KIAA1217: variants seen among roughly 807,000 people sequenced by gnomAD.
KIAA1217 encodes the protein KIAA1217.
In KIAA1217, 88 loss-of-function variants were observed where a neutral mutation model predicts 163.9. That is an observed-to-expected ratio of 0.54 (90% CI 0.45 to 0.64). The LOEUF (loss-of-function observed/expected upper bound fraction) is 0.64. KIAA1217 is among the 30% of genes least tolerant of loss of function. KIAA1217 has a pLI of 0.00. For synonymous variants in KIAA1217, 903 were observed against 923.1 expected (o/e 0.98, Z 0.39); for missense variants, 2,372 against 2,475.0 (o/e 0.96, Z 0.88).
rs139096362 is a variant in KIAA1217, at chr10:24,359,741, A to C, written c.355-21128A>C. On this transcript the variant is annotated intron_variant, in intron 2 of 20. Transcript: ENST00000376454. ...ATTCTTAGAATTAGAAGCTGTTGGG[A>C]TATCACCCTGAACTCTTTTTTGTTA... Among the ~76,000 whole-genome samples, 25 of 152,272 alleles carry C rather than the reference A, an allele frequency of 1.6e-4. No homozygotes were observed. The East Asian group carries it at 4.4e-3, about 27-fold the overall frequency.
At chr10:24,004,554 A>G (rs1011648108) in intron 1 of KIAA1217, among the ~76,000 whole-genome samples, 1 of 152,206 alleles carries the variant, frequency 6.6e-6, no homozygotes, top group African/African-American at 2.4e-5. Flanking sequence ...ATTAGATTCT[A>G]GAGAATTTTG....
chr10:24,473,227 G>A lies in KIAA1217; in HGVS notation c.847-1G>A. The A allele has an allele frequency of 6.6e-7, 1 of 1,509,828 alleles. No homozygotes were observed. The highest frequency in any genetic ancestry group is 8.9e-7 in the Non-Finnish European group (1 of 1,129,086). 93.5% of individuals were successfully genotyped at this position (1,509,828 alleles called of 1,614,324 possible). On this transcript the variant is annotated splice_acceptor_variant, in intron 5 of 20. Transcript: ENST00000376454. LOFTEE classifies it high-confidence loss of function. ...TTTCTGATCCCTTGTTTTCTTTTCA[G>A]ATGCAGAGAGAACTTGTTTATGCAA...
chr10:23,768,602 GA>G (rs1834652726), intron 1 of KIAA1217, among the ~76,000 whole-genome samples: 1 of 152,192 alleles, frequency 6.6e-6, no homozygotes, highest in Non-Finnish European at 1.5e-5. Flanking sequence ...TTTCAATGAG[GA>G]AAGTATAAGT....
chr10:24,163,348 G>A (rs964555709), intron 2 of KIAA1217, among the ~76,000 whole-genome samples: 6 of 152,186 alleles, frequency 3.9e-5, no homozygotes, highest in African/African-American at 1.4e-4. Flanking sequence ...TGTAAAATGA[G>A]ACTATTGTCA....
intron 1 of KIAA1217, among the ~76,000 whole-genome samples, chr10:23,946,711 C>G (rs1844065206): frequency 6.6e-6 from 1 of 152,144 alleles, no homozygotes; most frequent in Non-Finnish European, 1.5e-5. Context: ...TCTTCAAGAG[C>G]CCATAACAAC....
intron 1 of KIAA1217, among the ~76,000 whole-genome samples, chr10:23,935,798 T>C (rs1843501055): frequency 6.6e-6 from 1 of 152,218 alleles, no homozygotes; most frequent in African/African-American, 2.4e-5. Context: ...AATTAATTTT[T>C]CTTTTGGTGC....
intron 2 of KIAA1217, among the ~76,000 whole-genome samples, chr10:24,202,694 C>T (rs1403567177): frequency 6.6e-6 from 1 of 152,166 alleles, no homozygotes; most frequent in African/African-American, 2.4e-5. Flanking sequence ...TCCTGGAAGC[C>T]CTGCCCCCCA....
chr10:24,379,120 C>A (rs1477211088), intron 2 of KIAA1217, among the ~76,000 whole-genome samples: 1 of 107,400 alleles, frequency 9.3e-6, no homozygotes, highest in African/African-American at 6.2e-5. Context: ...ACTGAATCTA[C>A]CTTCTTTAAA....
At chr10:23,967,327 G>A (rs1198117296) in intron 1 of KIAA1217, among the ~76,000 whole-genome samples, 1 of 152,042 alleles carries the variant, frequency 6.6e-6, no homozygotes, top group Non-Finnish European at 1.5e-5. Context: ...AAGATGGTAT[G>A]AGGTTTTAGA....
At chr10:24,439,981 G>C (rs2060356367) in intron 5 of KIAA1217, among the ~76,000 whole-genome samples, 1 of 152,178 alleles carries the variant, frequency 6.6e-6, no homozygotes, top group Non-Finnish European at 1.5e-5. Flanking sequence ...GGTAAGTTTA[G>C]AACCATAAAA....
At chr10:24,014,261 A>T (rs146600065) in intron 2 of KIAA1217, among the ~76,000 whole-genome samples, 135 of 152,298 alleles carry the variant, frequency 8.9e-4, no homozygotes, top group Non-Finnish European at 1.8e-3. Context: ...GGACTTTAAT[A>T]ATCTATTTAA....
intron 2 of KIAA1217, among the ~76,000 whole-genome samples, chr10:24,051,939 CAGA>C (rs915273264): frequency 1.2e-4 from 19 of 152,094 alleles, no homozygotes; most frequent in African/African-American, 4.3e-4. Context: ...TTTTGCTGTG[CAGA>C]AGCTTTTTAG....
chr10:24,329,468 A>T (rs1419826872), intron 2 of KIAA1217, among the ~76,000 whole-genome samples: 1 of 152,116 alleles, frequency 6.6e-6, no homozygotes, highest in African/African-American at 2.4e-5. Flanking sequence ...GGAGAAAAAT[A>T]AATTGTCTTC....
At chr10:23,983,505 A>G (rs1845852321) in intron 1 of KIAA1217, among the ~76,000 whole-genome samples, 1 of 152,112 alleles carries the variant, frequency 6.6e-6, no homozygotes, top group African/African-American at 2.4e-5. Flanking sequence ...GAGAGAGAGA[A>G]GGTGCTACAC....
chr10:23,948,017 A>G (rs1398831739), intron 1 of KIAA1217, among the ~76,000 whole-genome samples: 1 of 152,192 alleles, frequency 6.6e-6, no homozygotes, highest in East Asian at 1.9e-4. Context: ...CTGATATGTT[A>G]TCTGAGTTCT....
rs184868985 is a variant in KIAA1217 at position 23,881,698 on chromosome 10, C to G, written c.-320-125527C>G. Reference sequence around the variant, plus strand: ...AGTGGGGCATTATCTACTTTATAACCTAATCAAATGGTCTGACCCACTGAA... The same window carrying G: ...AGTGGGGCATTATCTACTTTATAACGTAATCAAATGGTCTGACCCACTGAA... On this transcript the variant is annotated intron_variant, in intron 1 of 18. Coordinates refer to the KIAA1217 transcript ENST00000376462. 2.2e-4 allele frequency among the ~76,000 whole-genome samples: 34 copies of G among 152,074 alleles called. No individual in the cohort carries two copies. The South Asian group carries it at 2.9e-3, about 13-fold the overall frequency.
intron 1 of KIAA1217, among the ~76,000 whole-genome samples, chr10:23,853,077 T>C (rs984851701): frequency 6.6e-6 from 1 of 152,232 alleles, no homozygotes; most frequent in Non-Finnish European, 1.5e-5. Flanking sequence ...AGAGAGGGCA[T>C]CCCTGTCTTG....
intron 6 of KIAA1217, among the ~76,000 whole-genome samples, chr10:24,475,572 TAAC>T (rs1430223404): frequency 2.0e-5 from 3 of 152,278 alleles, no homozygotes; most frequent in Non-Finnish European, 4.4e-5. Context: ...GTAGCTAGAA[TAAC>T]AACAACAGTG....
chr10:23,789,962 C>T lies in KIAA1217; in HGVS notation c.-321+94728C>T, dbSNP rs963179563. ...ATATACATATACATGTATATATACA[C>T]ATATACATATACATATATACACATA... On this transcript the variant is annotated intron_variant, in intron 1 of 18. Coordinates refer to the KIAA1217 transcript ENST00000376462. 3.8e-5 allele frequency among the ~76,000 whole-genome samples: 5 copies of T among 129,920 alleles called. 1 individual carries two copies. Among genetic ancestry groups the T allele is most frequent in the Non-Finnish European group, 8.0e-5 (5 of 62,722 alleles). The allele number at this position is 129,920 out of a possible 152,430, so 85.2% of individuals were successfully genotyped here.
Sources: allele counts gnomAD v4.1 joint callset (sites outside exome capture counted in the v4.1 genomes callset), GRCh38; gene constraint gnomAD v4.1.1; transcripts MANE v1.5; gene names NCBI Gene and HGNC (gene_info 2026-07-23, HGNC 2026-07-21).